TMEM170A: variants seen among roughly 807,000 people sequenced by gnomAD.
TMEM170A encodes the protein transmembrane protein 170A, also known as transmembrane protein 170.
In TMEM170A, 18 loss-of-function variants were observed where a neutral mutation model predicts 12.8. The ratio of observed to expected loss-of-function variants is 1.41; its 90% CI spans 0.97 to 2.09. TMEM170A has a LOEUF of 2.09. Ranked by LOEUF, TMEM170A falls within the 30% of genes most tolerant of loss-of-function variation. TMEM170A has a pLI of 0.00. For synonymous variants in TMEM170A, 107 were observed against 76.2 expected (o/e 1.40, Z -2.11); for missense variants, 220 against 179.9 (o/e 1.22, Z -1.28).
At chr16:75,453,833 TA>T (rs528013593) in intron 1 of TMEM170A, among the ~76,000 whole-genome samples, 1 of 152,230 alleles carries the variant, frequency 6.6e-6, no homozygotes, top group Non-Finnish European at 1.5e-5. Flanking sequence ...ATCAACTATG[TA>T]TGAAAAACTA....
chr16:75,450,444 CATTTAT>C (rs912228039), intron 2 of TMEM170A, among the ~76,000 whole-genome samples: 1 of 152,008 alleles, frequency 6.6e-6, no homozygotes, highest in Non-Finnish European at 1.5e-5. Context: ...ATAAAATACA[CATTTAT>C]ATTTATGCAT....
At chr16:75,461,142 C>A (rs1048867104) in intron 1 of TMEM170A, among the ~76,000 whole-genome samples, 16 of 152,282 alleles carry the variant, frequency 1.1e-4, no homozygotes, top group African/African-American at 3.1e-4. Context: ...CAACCTCCCC[C>A]TCCCAGGTTC....
At chr16:75,451,421 C>A (rs1316183185) in intron 2 of TMEM170A, 5 of 593,112 alleles carry the variant, frequency 8.4e-6, no homozygotes, top group Non-Finnish European at 1.5e-5. Context: ...TGGTGGCACA[C>A]CCCTGTAGTC....
Position 75,445,699 on chromosome 16 carries a change from CTTT to C in TMEM170A, c.*1856_*1858del. On this transcript the variant is annotated 3_prime_UTR_variant, in exon 3 of 3. Transcript: ENST00000561878. ...GCAAATTGGTCCTCCTGACTTTTTT[CTTT>C]TTTTTTTTTTTCCAAATTGGGCAGA... The C allele has an allele frequency of 1.4e-5, 2 of 140,530 alleles. No individual in the cohort carries two copies. The highest frequency in any genetic ancestry group is 4.1e-4 in the East Asian group (2 of 4,856). 8.7% of individuals were successfully genotyped at this position (140,530 alleles called of 1,614,324 possible).
chr16:75,455,379 T>C (rs934228469), intron 1 of TMEM170A, among the ~76,000 whole-genome samples: 1 of 122,122 alleles, frequency 8.2e-6, no homozygotes. Flanking sequence ...AAAAATGCAA[T>C]AGATGTATAT....
At chr16:75,463,290 C>T (rs145282982) in intron 1 of TMEM170A, among the ~76,000 whole-genome samples, 2 of 152,062 alleles carry the variant, frequency 1.3e-5, no homozygotes, top group African/African-American at 4.8e-5. Context: ...AGAATACCAT[C>T]AATTTTTTGA....
At chr16:75,453,070 G>C (rs1490394639) in intron 1 of TMEM170A, among the ~76,000 whole-genome samples, 1 of 151,918 alleles carries the variant, frequency 6.6e-6, no homozygotes, top group Non-Finnish European at 1.5e-5. Context: ...CACAGAAAAA[G>C]CTGACCAATC....
chr16:75,447,784 G>A, intron 2 of TMEM170A, 96 bp from the exon 3 acceptor site: 1 of 1,339,230 alleles, frequency 7.5e-7, no homozygotes, highest in Non-Finnish European at 1.0e-6. Flanking sequence ...CGAGTAGAAT[G>A]TTCCAGATTT....
At chr16:75,453,604 C>T (rs1217301009) in intron 1 of TMEM170A, among the ~76,000 whole-genome samples, 1 of 152,238 alleles carries the variant, frequency 6.6e-6, no homozygotes, top group African/African-American at 2.4e-5. Flanking sequence ...ATTCATTCCA[C>T]AATCATTTGA....
At position 75,456,311 on chromosome 16, in the gene TMEM170A, G is replaced by A. The variant is rs561004570; in HGVS notation, c.134-4472C>T. On this transcript the variant is annotated intron_variant, in intron 1 of 2. Coordinates refer to ENST00000561878, the MANE Select transcript of TMEM170A (RefSeq NM_145254.3). ...CTTATTAAAAATAACAAATGAGGCCGGGCACAGTGGGTCACATCTGTAATA... is the reference window on the plus strand; with the variant it reads ...CTTATTAAAAATAACAAATGAGGCCAGGCACAGTGGGTCACATCTGTAATA... Among the ~76,000 whole-genome samples, 14 of 152,156 alleles carry A rather than the reference G, an allele frequency of 9.2e-5. No individual in the cohort carries two copies. In the East Asian group the frequency reaches 2.1e-3, roughly 23 times the overall value.
intron 1 of TMEM170A, among the ~76,000 whole-genome samples, chr16:75,460,900 T>C (rs1046439572): frequency 6.6e-6 from 1 of 152,228 alleles, no homozygotes; most frequent in Non-Finnish European, 1.5e-5. Flanking sequence ...TAGATCTAAT[T>C]TGACACTGAT....
chr16:75,461,343 G>C (rs569302711), intron 1 of TMEM170A, among the ~76,000 whole-genome samples: 3 of 152,104 alleles, frequency 2.0e-5, no homozygotes, highest in East Asian at 1.9e-4. Context: ...CGTGAGCCAC[G>C]GCAACCGGCC....
chr16:75,451,749 T>C lies in TMEM170A; in HGVS notation c.224A>G (p.His75Arg), dbSNP rs779303025. The change falls in exon 2 of 3, where the codon CAT becomes CGT. Residue 75 changes from histidine (H) to arginine (R), a missense_variant. By Grantham distance (29) the His-to-Arg change is conservative. Transcript: ENST00000561878. ...AGLLALFTLR[H>R]HKYGRFMSVS... ...AGACATGAACCTACCATATTTGTGA[T>C]GTCTGAGGGTGAAGAGGGCCAGTAA... 5.6e-6 allele frequency: 9 copies of C among 1,614,012 alleles called. No homozygotes were observed. Among genetic ancestry groups the C allele is most frequent in the Non-Finnish European group, 6.8e-6 (8 of 1,180,026 alleles).
intron 1 of TMEM170A, among the ~76,000 whole-genome samples, chr16:75,455,651 A>G (rs1473300137): frequency 6.6e-6 from 1 of 152,112 alleles, no homozygotes; most frequent in Non-Finnish European, 1.5e-5. Context: ...AAAAATACGT[A>G]AAAATTAGCC....
At chr16:75,463,058 A>AG (rs2079935571) in intron 1 of TMEM170A, among the ~76,000 whole-genome samples, 1 of 152,110 alleles carries the variant, frequency 6.6e-6, no homozygotes, top group Admixed American at 6.6e-5. Context: ...ATAGAGAGAG[A>AG]GAAAGAGAGC....
intron 1 of TMEM170A, among the ~76,000 whole-genome samples, chr16:75,452,972 G>C (rs2079716192): frequency 1.3e-5 from 2 of 151,968 alleles, no homozygotes; most frequent in South Asian, 4.2e-4. Context: ...ATTGTTTATG[G>C]CTGCCTTCCA....
chr16:75,456,558 C>G (rs2079801733), intron 1 of TMEM170A, among the ~76,000 whole-genome samples: 1 of 152,186 alleles, frequency 6.6e-6, no homozygotes, highest in Non-Finnish European at 1.5e-5. Flanking sequence ...GATTCTTGGT[C>G]CTCAGGGTTT....
intron 1 of TMEM170A, among the ~76,000 whole-genome samples, chr16:75,455,701 A>G (rs993564008): frequency 6.6e-6 from 1 of 152,200 alleles, no homozygotes; most frequent in East Asian, 1.9e-4. Context: ...GCTACTCAGG[A>G]GGCTGAAGCC....
rs959140216 is a variant in TMEM170A, at chr16:75,443,834, G to A, written c.*3724C>T. The A allele has an allele frequency of 6.6e-6, 1 of 152,152 alleles. No individual in the cohort carries two copies. The highest frequency in any genetic ancestry group is 2.4e-5 in the African/African-American group (1 of 41,448). The allele number at this position is 152,152 out of a possible 1,614,324, so 9.4% of individuals were successfully genotyped here. On this transcript the variant is annotated 3_prime_UTR_variant, in exon 3 of 3. Coordinates refer to ENST00000561878, the MANE Select transcript of TMEM170A (RefSeq NM_145254.3). ...CCAAGCATGATGGCTCATGTCTATA[G>A]TCCCATCACGTTGGGAGGCCGAGGC...
Sources: gnomAD v4.1 joint callset for allele counts (sites outside exome capture counted in the v4.1 genomes callset) on GRCh38, gnomAD v4.1.1 for gene constraint, MANE v1.5 for transcripts, NCBI Gene and HGNC (gene_info 2026-07-23, HGNC 2026-07-21) for gene names.